The following LIPA variants were observed in gnomAD, a reference collection of about 807,000 sequenced individuals.
LIPA encodes lysosomal acid lipase/cholesteryl ester hydrolase.
A neutral mutation model predicts 40.6 loss-of-function variants in LIPA; 26 were observed. The observed-to-expected ratio is 0.64, with a 90% CI of 0.47 to 0.89. The LOEUF is 0.89. LIPA is among the 40% of genes least tolerant of loss of function. LIPA has a pLI of 0.00. For synonymous variants in LIPA, 188 were observed against 168.4 expected (o/e 1.12, Z -0.90); for missense variants, 455 against 479.6 (o/e 0.95, Z 0.48).
intron 1 of LIPA, chr10:89,292,357 T>C (rs914641316): frequency 6.6e-6 from 1 of 152,204 alleles, no homozygotes; most frequent in Non-Finnish European, 1.5e-5. Context: ...TTTCTCACTG[T>C]GGCCAACAAA....
upstream of LIPA, chr10:89,252,169 A>G (rs1369214593): frequency 1.3e-5 from 2 of 152,188 alleles, no homozygotes; most frequent in Non-Finnish European, 2.9e-5. Flanking sequence ...CTATAAATGA[A>G]AGTGAATCAT....
At chr10:89,321,238 A>C (rs1283811360) in intron 1 of LIPA, among the ~76,000 whole-genome samples, 3 of 152,110 alleles carry the variant, frequency 2.0e-5, no homozygotes, top group Non-Finnish European at 4.4e-5. Context: ...TAAACTAAAG[A>C]GCTTCTGCAC....
At chr10:89,258,726 T>C (rs1256053946) in intron 1 of LIPA, among the ~76,000 whole-genome samples, 2 of 152,166 alleles carry the variant, frequency 1.3e-5, no homozygotes, top group Non-Finnish European at 1.5e-5. Flanking sequence ...AAATAAGAAC[T>C]GATGTTTACA....
At chr10:89,299,828 T>C (rs1843435088) in intron 1 of LIPA, among the ~76,000 whole-genome samples, 1 of 151,604 alleles carries the variant, frequency 6.6e-6, no homozygotes, top group South Asian at 2.1e-4. Context: ...GGAATGTAAA[T>C]TAGTACAGTC....
chr10:89,389,741 G>C (rs1445152805), intron 2 of LIPA, among the ~76,000 whole-genome samples: 1 of 152,112 alleles, frequency 6.6e-6, no homozygotes, highest in Admixed American at 6.5e-5. Flanking sequence ...ATATCATCCT[G>C]TGAATGAAGA....
chr10:89,276,104 G>A (rs1232440119), intron 1 of LIPA, among the ~76,000 whole-genome samples: 1 of 152,188 alleles, frequency 6.6e-6, no homozygotes, highest in East Asian at 1.9e-4. Context: ...GGTCTAGATA[G>A]GTAAGGTAAG....
chr10:89,413,784 C>CAAAAAAA (rs1564815971), intron 1 of LIPA, among the ~76,000 whole-genome samples: 1 of 76,162 alleles, frequency 1.3e-5, no homozygotes, highest in African/African-American at 5.2e-5. Context: ...AAAAAAAAAC[C>CAAAAAAA]AAAATCAATG....
upstream of LIPA, among the ~76,000 whole-genome samples, chr10:89,256,260 T>A (rs1252232962): frequency 6.6e-6 from 1 of 152,154 alleles, no homozygotes; most frequent in Admixed American, 6.5e-5. Flanking sequence ...CACATGGAGA[T>A]GTTGAGTAGG....
chr10:89,384,107 G>A (rs1255451221), intron 2 of LIPA: 2 of 1,614,162 alleles, frequency 1.2e-6, no homozygotes, highest in African/African-American at 2.7e-5. Flanking sequence ...CGAAGAAAAG[G>A]GTCTGTGGAT....
chr10:89,323,097 C>T (rs1216492103), intron 1 of LIPA, among the ~76,000 whole-genome samples: 1 of 152,192 alleles, frequency 6.6e-6, no homozygotes, highest in Non-Finnish European at 1.5e-5. Context: ...ATTCTCATTT[C>T]CCATTCCTTT....
intron 1 of LIPA, among the ~76,000 whole-genome samples, chr10:89,270,745 T>G (rs888839800): frequency 2.6e-5 from 4 of 152,222 alleles, no homozygotes; most frequent in Non-Finnish European, 5.9e-5. Context: ...GCTACTCATG[T>G]TATACGACCC....
intron 3 of LIPA, among the ~76,000 whole-genome samples, chr10:89,237,461 AAT>A (rs1554867720): frequency 6.6e-6 from 1 of 151,452 alleles, no homozygotes. Context: ...AACAAAAAAA[AAT>A]ATATATATAT....
intron 2 of LIPA, among the ~76,000 whole-genome samples, chr10:89,409,527 C>T (rs560404992): frequency 1.3e-5 from 2 of 152,308 alleles, no homozygotes; most frequent in African/African-American, 4.8e-5. Context: ...GGGACAGAAG[C>T]CCCCAACCAG....
chr10:89,323,434 G>A (rs1223866571), intron 1 of LIPA, among the ~76,000 whole-genome samples: 1 of 151,928 alleles, frequency 6.6e-6, no homozygotes, highest in African/African-American at 2.4e-5. Flanking sequence ...CTGCTAGCAT[G>A]AGCAAGCAGG....
chr10:89,250,958 C>G (rs1303061150), intron 1 of LIPA, among the ~76,000 whole-genome samples: 1 of 152,114 alleles, frequency 6.6e-6, no homozygotes, highest in Non-Finnish European at 1.5e-5. Context: ...CAGCTTTGTA[C>G]CCCCAGGACC....
chr10:89,306,700 T>A, intron 1 of LIPA: 1 of 1,614,142 alleles, frequency 6.2e-7, no homozygotes, highest in Non-Finnish European at 8.5e-7. Context: ...GTGTAACAGA[T>A]GTTCTTCGCA....
At chr10:89,346,452 A>G (rs566383910), upstream of LIPA, among the ~76,000 whole-genome samples, 1 of 152,206 alleles carries the variant, frequency 6.6e-6, no homozygotes, top group African/African-American at 2.4e-5. Flanking sequence ...TTCACCCTGC[A>G]ACACAAGCTC....
chr10:89,257,105 A>G (rs1843185264), intron 1 of LIPA, among the ~76,000 whole-genome samples: 1 of 152,254 alleles, frequency 6.6e-6, no homozygotes, highest in Admixed American at 6.5e-5. Context: ...TACGAGGATC[A>G]ATAACAAGGG....
rs1270081319 is a variant in LIPA, at chr10:89,378,010, G to T, written c.61+34781C>A. On this transcript the variant is annotated intron_variant, in intron 2 of 8. Transcript: ENST00000371837. ...GCATCAAGGGTGTAAAAAACTGCCT[G>T]GATATACCTCCCATATATAAGCACC... The T allele has an allele frequency of 7.2e-6, 7 of 969,960 alleles. No homozygotes were observed. In the South Asian group the frequency reaches 1.0e-4, roughly 14 times the overall value. The allele number at this position is 969,960 out of a possible 1,614,324, so 60.1% of individuals were successfully genotyped here.
Sources: gnomAD v4.1 joint callset for allele counts (sites outside exome capture counted in the v4.1 genomes callset) on GRCh38, gnomAD v4.1.1 for gene constraint, MANE v1.5 for transcripts, NCBI Gene and HGNC (gene_info 2026-07-23, HGNC 2026-07-21) for gene names.